TLL1: variants seen among roughly 807,000 people sequenced by gnomAD.
TLL1 encodes the protein tolloid like 1.
TLL1 carries 49 observed loss-of-function variants against 128.2 expected under a neutral mutation model. The ratio of observed to expected loss-of-function variants is 0.38; its 90% CI spans 0.30 to 0.48. The LOEUF is 0.48. Ranked by LOEUF, TLL1 falls within the 20% of genes least tolerant of loss-of-function variation. TLL1 has a pLI of 0.96. For missense variants in TLL1, 1,123 were observed against 1,242.0 expected (o/e 0.90, Z 1.44); for synonymous variants, 454 against 418.8 (o/e 1.08, Z -1.03).
At chr4:165,936,701 G>T (rs184943791) in intron 1 of TLL1, among the ~76,000 whole-genome samples, 1 of 151,714 alleles carries the variant, frequency 6.6e-6, no homozygotes, top group Non-Finnish European at 1.5e-5. Context: ...GCTGAGGTGG[G>T]TGGATCACCT....
intron 18 of TLL1, among the ~76,000 whole-genome samples, chr4:166,085,475 GT>G (rs58241157): frequency 8.2e-4 from 121 of 147,494 alleles, no homozygotes; most frequent in African/African-American, 2.6e-3. Context: ...TTGTTGAGAG[GT>G]TTTTTTTTTA....
chr4:166,057,823 A>G (rs2111114509), intron 14 of TLL1, among the ~76,000 whole-genome samples: 1 of 152,250 alleles, frequency 6.6e-6, no homozygotes, highest in African/African-American at 2.4e-5. Context: ...AACAGCATGG[A>G]AAAGACTCCC....
chr4:166,057,134 T>C (rs1409391601), intron 13 of TLL1, 50 bp from the exon 14 acceptor site: 2 of 1,607,270 alleles, frequency 1.2e-6, no homozygotes, highest in Non-Finnish European at 1.7e-6. Context: ...TTCACATACA[T>C]ACACACATAT....
chr4:165,933,465 G>T (rs958654706), intron 1 of TLL1, among the ~76,000 whole-genome samples: 2 of 152,098 alleles, frequency 1.3e-5, no homozygotes, highest in African/African-American at 4.8e-5. Context: ...TCATCATGGC[G>T]CATCTCGAGG....
At chr4:165,945,089 CAG>C (rs1360486326) in intron 1 of TLL1, among the ~76,000 whole-genome samples, 1 of 151,944 alleles carries the variant, frequency 6.6e-6, no homozygotes, top group Non-Finnish European at 1.5e-5. Context: ...TAGAATTTTG[CAG>C]AGTTAGCAAA....
chr4:166,057,247 G>A lies in TLL1; in HGVS notation c.1784G>A (p.Gly595Asp). The A allele has an allele frequency of 1.2e-6, 2 of 1,613,944 alleles. No individual in the cohort carries two copies. Among genetic ancestry groups the A allele is most frequent in the Non-Finnish European group, 1.7e-6 (2 of 1,179,954 alleles). Residue 595 changes from glycine to aspartate, a missense_variant, in exon 14 of 21, where the codon GGC becomes GAC. Transcript: ENST00000061240. ...GAGCAGCGATGTCTGAACACTCTGG[G>A]CAGTTACCAGTGTGCCTGTGAGCCT... ...GCEQRCLNTL[G>D]SYQCACEPGY...
chr4:165,968,402 A>G (rs1248915355), intron 1 of TLL1, among the ~76,000 whole-genome samples: 1 of 152,158 alleles, frequency 6.6e-6, no homozygotes, highest in Admixed American at 6.6e-5. Context: ...TCCTATTGCC[A>G]ATTCTGAATT....
chr4:166,007,981 G>A lies in TLL1; in HGVS notation c.850G>A (p.Val284Ile), dbSNP rs369917918. Residue 284 changes from valine to isoleucine, a missense_variant, in exon 7 of 21, where the codon GTA (valine) becomes ATA (isoleucine). Coordinates refer to ENST00000061240, the MANE Select transcript of TLL1 (RefSeq NM_012464.5). ...TTTTCTGAAGATGGAGCCTGGAGAA[G>A]TAAACTCACTTGGAGAAAGATATGA... ...YNFLKMEPGE[V>I]NSLGERYDFD... 2.5e-6 allele frequency: 4 copies of A among 1,609,750 alleles called. No homozygotes were observed. The African/African-American group carries it at 5.4e-5, about 22-fold the overall frequency.
intron 12 of TLL1, 74 bp from the exon 13 acceptor site, chr4:166,055,002 A>G: frequency 8.0e-7 from 1 of 1,245,596 alleles, no homozygotes; most frequent in East Asian, 2.5e-5. Flanking sequence ...TATGGCACTG[A>G]GAAGACATCT....
At chr4:166,068,544 G>A (rs534929840) in intron 16 of TLL1, among the ~76,000 whole-genome samples, 1 of 151,732 alleles carries the variant, frequency 6.6e-6, no homozygotes, top group South Asian at 2.1e-4. Context: ...ACTCACTATG[G>A]GGGCTTTGAT....
chr4:165,938,561 A>T (rs1042492383), intron 1 of TLL1, among the ~76,000 whole-genome samples: 2 of 152,076 alleles, frequency 1.3e-5, no homozygotes, highest in Admixed American at 6.6e-5. Context: ...AATTATTTTT[A>T]TCTTTATTTG....
At chr4:165,969,012 T>C (rs1314740846) in intron 1 of TLL1, among the ~76,000 whole-genome samples, 2 of 152,202 alleles carry the variant, frequency 1.3e-5, no homozygotes, top group African/African-American at 4.8e-5. Flanking sequence ...CACATTGAGA[T>C]GCTTTGCGTT....
At chr4:165,969,264 A>C (rs946965013) in intron 1 of TLL1, among the ~76,000 whole-genome samples, 3 of 152,078 alleles carry the variant, frequency 2.0e-5, no homozygotes, top group Non-Finnish European at 2.9e-5. Flanking sequence ...GGTTGACCAG[A>C]TATCTTCAGT....
chr4:165,910,220 G>T (rs1461100308), intron 1 of TLL1, among the ~76,000 whole-genome samples: 1 of 152,274 alleles, frequency 6.6e-6, no homozygotes, highest in Non-Finnish European at 1.5e-5. Flanking sequence ...GGATGGATTT[G>T]TAAGCTCATT....
chr4:166,009,054 C>T (rs1737562986), intron 7 of TLL1, among the ~76,000 whole-genome samples: 1 of 151,316 alleles, frequency 6.6e-6, no homozygotes, highest in African/African-American at 2.4e-5. Context: ...TTATGCTTTT[C>T]TAAAGTACAT....
chr4:165,970,246 CAT>C (rs756731646), intron 1 of TLL1, among the ~76,000 whole-genome samples: 16 of 152,132 alleles, frequency 1.1e-4, no homozygotes, highest in Non-Finnish European at 2.2e-4. Flanking sequence ...TCTATTTAAA[CAT>C]ATTTTAAAAT....
chr4:166,020,785 T>C (rs10019805), intron 8 of TLL1, among the ~76,000 whole-genome samples: 1 of 152,142 alleles, frequency 6.6e-6, no homozygotes, highest in African/African-American at 2.4e-5. Flanking sequence ...TCAAGTAACA[T>C]AGTGAAATTT....
In TLL1 at chr4:165,996,480, G is replaced by A. The variant is rs147319031; in HGVS notation, c.632+1302G>A. Among the ~76,000 whole-genome samples the A allele has an allele frequency of 4.4e-4, 67 of 152,120 alleles. No individual in the cohort carries two copies. In the East Asian group the frequency reaches 0.013, roughly 29 times the overall value. ...AAAAATTAGCCAGGTGTGTTGGCGCGCACCTGTAATCAGGAGGCTAAGGCA... is the reference window on the plus strand; with the variant it reads ...AAAAATTAGCCAGGTGTGTTGGCGCACACCTGTAATCAGGAGGCTAAGGCA... On this transcript the variant is annotated intron_variant, in intron 5 of 20. Transcript: ENST00000061240.
intron 16 of TLL1, among the ~76,000 whole-genome samples, chr4:166,073,523 A>G (rs16999565): frequency 0.074 from 11,230 of 152,164 alleles, 773 homozygotes; most frequent in African/African-American, 0.18. Context: ...ATTCTCGATA[A>G]TAAGTGTTGA....
Sources: allele counts gnomAD v4.1 joint callset (sites outside exome capture counted in the v4.1 genomes callset), GRCh38; gene constraint gnomAD v4.1.1; transcripts MANE v1.5; gene names NCBI Gene and HGNC (gene_info 2026-07-23, HGNC 2026-07-21).